The following PRKG1 variants were observed in gnomAD, a reference collection of about 807,000 sequenced individuals.
PRKG1 encodes the protein protein kinase cGMP-dependent 1, also known as cGMP-dependent protein kinase 1.
A neutral mutation model predicts 88.1 loss-of-function variants in PRKG1; 35 were observed. That is an observed-to-expected ratio of 0.40 (90% CI 0.30 to 0.53). The LOEUF is 0.53. Ranked by LOEUF, PRKG1 falls within the 20% of genes least tolerant of loss-of-function variation. PRKG1 has a pLI of 0.59. For synonymous variants in PRKG1, 303 were observed against 292.5 expected, an observed-to-expected ratio of 1.04 and a Z score of -0.37; for missense variants, 540 against 839.8, an observed-to-expected ratio of 0.64 and a Z score of 4.41.
At chr10:51,980,102 T>C (rs1167158578) in intron 5 of PRKG1, among the ~76,000 whole-genome samples, 2 of 152,068 alleles carry the variant, frequency 1.3e-5, no homozygotes, top group African/African-American at 2.4e-5. Context: ...TTCTAACTTT[T>C]TCATGTGAGC....
At chr10:52,060,886 A>T (rs1846220553) in intron 6 of PRKG1, among the ~76,000 whole-genome samples, 1 of 152,036 alleles carries the variant, frequency 6.6e-6, no homozygotes, top group Non-Finnish European at 1.5e-5. Flanking sequence ...AAAACAAAGT[A>T]TAACAAAAAT....
intron 9 of PRKG1, among the ~76,000 whole-genome samples, chr10:52,167,569 T>C (rs1200852779): frequency 1.3e-5 from 2 of 151,898 alleles, no homozygotes; most frequent in African/African-American, 2.4e-5. Context: ...ATTTGAGTTG[T>C]AGCCTTGTTG....
chr10:51,195,246 C>G (rs1016724078), intron 2 of PRKG1, among the ~76,000 whole-genome samples: 1 of 152,172 alleles, frequency 6.6e-6, no homozygotes, highest in African/African-American at 2.4e-5. Flanking sequence ...TCAATTTATG[C>G]TTATTTTAGT....
In PRKG1 at chr10:50,996,274, C is replaced by T. The variant is rs542542153; in HGVS notation, c.266+4630C>T. Among the ~76,000 whole-genome samples, 4 of 152,288 alleles carry T rather than the reference C, an allele frequency of 2.6e-5. No homozygotes were observed. In the East Asian group the frequency reaches 7.7e-4, roughly 29 times the overall value. On this transcript the variant is annotated intron_variant, in intron 1 of 17. Coordinates refer to the PRKG1 transcript ENST00000401604. ...GCTTGAAGAAATTTAAGTCACCTGT[C>T]TAAGGTGTCACTACTAGGAAATGCC...
At chr10:51,628,875 C>T (rs895905547) in intron 3 of PRKG1, among the ~76,000 whole-genome samples, 19 of 150,812 alleles carry the variant, frequency 1.3e-4, no homozygotes, top group East Asian at 2.0e-4. Context: ...AGGAGAATGG[C>T]GTGAACCCGG....
chr10:51,840,708 G>A (rs1019979583), intron 4 of PRKG1, among the ~76,000 whole-genome samples: 4 of 152,004 alleles, frequency 2.6e-5, no homozygotes, highest in Non-Finnish European at 5.9e-5. Flanking sequence ...CGCCATGCCT[G>A]GCTAATTTTT....
At chr10:51,616,382 T>C (rs571468803) in intron 3 of PRKG1, among the ~76,000 whole-genome samples, 1 of 152,150 alleles carries the variant, frequency 6.6e-6, no homozygotes, top group Admixed American at 6.5e-5. Context: ...GTGTGGGTGA[T>C]GGCAGTGTCA....
chr10:51,164,628 G>A (rs1846477166), intron 2 of PRKG1, among the ~76,000 whole-genome samples: 1 of 152,092 alleles, frequency 6.6e-6, no homozygotes, highest in Non-Finnish European at 1.5e-5. Context: ...CAAACCAAAG[G>A]CAAAGAAGTT....
chr10:51,598,577 T>G (rs1461335393), intron 3 of PRKG1, among the ~76,000 whole-genome samples: 1 of 152,176 alleles, frequency 6.6e-6, no homozygotes, highest in African/African-American at 2.4e-5. Flanking sequence ...CTTTTAATAT[T>G]ATAATAGATT....
intron 5 of PRKG1, among the ~76,000 whole-genome samples, chr10:51,983,139 G>A (rs978198054): frequency 6.6e-6 from 1 of 152,110 alleles, no homozygotes; most frequent in East Asian, 1.9e-4. Context: ...CCACACCAGT[G>A]TTGGCAAGGG....
chr10:51,339,834 T>C (rs1334822958), intron 2 of PRKG1, among the ~76,000 whole-genome samples: 1 of 152,088 alleles, frequency 6.6e-6, no homozygotes, highest in Admixed American at 6.6e-5. Flanking sequence ...TTATTACAGT[T>C]TTTTACTTTT....
At chr10:51,778,350 G>A (rs1331629733) in intron 3 of PRKG1, among the ~76,000 whole-genome samples, 1 of 152,074 alleles carries the variant, frequency 6.6e-6, no homozygotes, top group African/African-American at 2.4e-5. Context: ...TGACTAATTG[G>A]CAAATTATTT....
intron 5 of PRKG1, among the ~76,000 whole-genome samples, chr10:52,010,323 A>C (rs1844848568): frequency 6.6e-6 from 1 of 152,004 alleles, no homozygotes; most frequent in South Asian, 2.1e-4. Context: ...TATAAGCAAA[A>C]ACAACAAACA....
chr10:51,735,883 A>ATTTATTTATTCATT (rs371598580), intron 3 of PRKG1, among the ~76,000 whole-genome samples: 1 of 102,868 alleles, frequency 9.7e-6, no homozygotes, highest in South Asian at 3.2e-4. Context: ...ATATATATGT[A>ATTTATTTATTCATT]TATTTATTTA....
chr10:51,800,437 A>G (rs1446127286), intron 3 of PRKG1, among the ~76,000 whole-genome samples: 2 of 152,108 alleles, frequency 1.3e-5, no homozygotes, highest in Non-Finnish European at 2.9e-5. Context: ...TACCTTAAAC[A>G]TGCACAGAAC....
At chr10:51,168,684 T>A (rs1238694355) in intron 2 of PRKG1, among the ~76,000 whole-genome samples, 1 of 152,148 alleles carries the variant, frequency 6.6e-6, no homozygotes, top group Non-Finnish European at 1.5e-5. Flanking sequence ...TAGTTTAAGG[T>A]TCAACATATC....
chr10:52,006,261 G>C lies in PRKG1; in HGVS notation c.763-48223G>C, dbSNP rs181384400. Among the ~76,000 whole-genome samples, 418 of 152,218 alleles carry C rather than the reference G, an allele frequency of 2.7e-3. 1 individual carries two copies. Among genetic ancestry groups the C allele is most frequent in the Middle Eastern group, 0.014 (4 of 294 alleles). ...TCCAAATGACCACACTTGTTCCCTA[G>C]CAAGGGTTCTCAACAAGGCTGAAAT... is the stretch of plus-strand genomic sequence containing the variant. On this transcript the variant is annotated intron_variant, in intron 5 of 17. Transcript: ENST00000373980.
chr10:51,950,510 C>CT (rs1474665345), intron 5 of PRKG1, among the ~76,000 whole-genome samples: 1 of 152,244 alleles, frequency 6.6e-6, no homozygotes, highest in African/African-American at 2.4e-5. Flanking sequence ...CCACAGTGCT[C>CT]TGCCCCTTGC....
chr10:51,926,750 GT>G (rs11324214), intron 5 of PRKG1, among the ~76,000 whole-genome samples: 3,366 of 141,216 alleles, frequency 0.024, 93 homozygotes, highest in African/African-American at 0.073. Context: ...GCCTAGCATA[GT>G]TTTTTTTTTT....
Sources: gnomAD v4.1 joint callset for allele counts (sites outside exome capture counted in the v4.1 genomes callset) on GRCh38, gnomAD v4.1.1 for gene constraint, MANE v1.5 for transcripts, NCBI Gene and HGNC (gene_info 2026-07-23, HGNC 2026-07-21) for gene names.